TASP1: variants seen among roughly 807,000 people sequenced by gnomAD.
The protein encoded by TASP1 is threonine aspartase 1.
Under a neutral mutation model 56.6 loss-of-function variants are expected in TASP1, and 16 were observed. That is an observed-to-expected ratio of 0.28 (90% confidence interval 0.19 to 0.43). The LOEUF is 0.43. Among genes scored for constraint, TASP1 ranks in the 20% least tolerant of loss-of-function variants. The probability of loss-of-function intolerance (pLI) is 1.00; values close to 1 mark genes in which losing one functional copy is unlikely to be tolerated. For synonymous variants in TASP1, 179 were observed against 184.2 expected (o/e 0.97, Z 0.23); for missense variants, 393 against 511.6 (o/e 0.77, Z 2.24).
the TASP1 span, among the ~76,000 whole-genome samples, chr20:13,305,114 A>G: frequency 6.6e-6 from 1 of 151,240 alleles, no homozygotes; most frequent in African/African-American, 2.4e-5. Flanking sequence ...TGGTTTTGCT[A>G]TGGGTGATAA....
At chr20:13,401,379 A>G (rs2041732458) in intron 13 of TASP1, among the ~76,000 whole-genome samples, 1 of 152,188 alleles carries the variant, frequency 6.6e-6, no homozygotes, top group Admixed American at 6.5e-5. Context: ...TCAAAGTTCT[A>G]CCCTAAAGCT....
At chr20:13,638,700 A>G (rs1386110090) in intron 1 of TASP1, among the ~76,000 whole-genome samples, 194 bp downstream of exon 1, 3 of 152,156 alleles carry the variant, frequency 2.0e-5, no homozygotes, top group Non-Finnish European at 2.9e-5. Flanking sequence ...GGGGCCGCCT[A>G]GAGCGACCAA....
chr20:13,463,393 G>A (rs2044130514), intron 11 of TASP1, among the ~76,000 whole-genome samples: 1 of 151,992 alleles, frequency 6.6e-6, no homozygotes, highest in African/African-American at 2.4e-5. Flanking sequence ...CTAAATGTAA[G>A]AGTAAAAACT....
chr20:13,447,238 A>G (rs1415371962), intron 11 of TASP1, among the ~76,000 whole-genome samples: 2 of 152,176 alleles, frequency 1.3e-5, no homozygotes, highest in African/African-American at 4.8e-5. Flanking sequence ...AATCTGATAC[A>G]TGAAAAATAG....
intron 8 of TASP1, among the ~76,000 whole-genome samples, chr20:13,557,893 C>G (rs2046218761): frequency 6.6e-6 from 1 of 151,824 alleles, no homozygotes. Context: ...TTTAAAAAGG[C>G]AAAAAAGTCC....
the TASP1 span, among the ~76,000 whole-genome samples, chr20:13,295,481 T>A: frequency 6.6e-6 from 1 of 152,186 alleles, no homozygotes; most frequent in African/African-American, 2.4e-5. Context: ...TTTTCCTGCA[T>A]AACCTTAGTT....
At chr20:13,480,976 T>C (rs1171593828) in intron 11 of TASP1, among the ~76,000 whole-genome samples, 1 of 152,066 alleles carries the variant, frequency 6.6e-6, no homozygotes, top group Non-Finnish European at 1.5e-5. Flanking sequence ...ACTCTTTTAG[T>C]TATTTTAAAA....
chr20:13,479,484 C>CA (rs1249588976), intron 11 of TASP1, among the ~76,000 whole-genome samples: 2 of 143,900 alleles, frequency 1.4e-5, no homozygotes, highest in African/African-American at 5.3e-5. Flanking sequence ...TTTTTTGAGA[C>CA]AGAGTTTTTG....
chr20:13,203,079 G>GT, the TASP1 span, among the ~76,000 whole-genome samples: 40 of 151,944 alleles, frequency 2.6e-4, no homozygotes, highest in African/African-American at 8.9e-4. Context: ...TTCTAGAAGG[G>GT]TTTTTTTTAA....
At chr20:13,335,326 A>G in the TASP1 span, among the ~76,000 whole-genome samples, 27 of 50,234 alleles carry the variant, frequency 5.4e-4, no homozygotes, top group Middle Eastern at 0.048. Flanking sequence ...TCACCTATGC[A>G]CACACACACA....
chr20:13,331,577 A>G, the TASP1 span, among the ~76,000 whole-genome samples: 3 of 152,078 alleles, frequency 2.0e-5, no homozygotes, highest in Admixed American at 1.3e-4. Context: ...TGTTCCATAC[A>G]TAATTCCTGT....
At chr20:13,294,029 G>A in the TASP1 span, among the ~76,000 whole-genome samples, 2 of 152,052 alleles carry the variant, frequency 1.3e-5, no homozygotes, top group South Asian at 4.1e-4. Flanking sequence ...CAGTGTCGGG[G>A]GCAGTAGAGA....
intron 13 of TASP1, among the ~76,000 whole-genome samples, chr20:13,407,037 C>T (rs1054023618): frequency 6.6e-6 from 1 of 152,056 alleles, no homozygotes; most frequent in Non-Finnish European, 1.5e-5. Context: ...TGGGTTTTCT[C>T]CTTTATTTTG....
the TASP1 span, among the ~76,000 whole-genome samples, chr20:13,147,350 A>T: frequency 5.9e-5 from 9 of 152,096 alleles, no homozygotes; most frequent in Non-Finnish European, 1.2e-4. Flanking sequence ...TGTGATTCTT[A>T]TGATTCTTGC....
At chr20:13,346,705 G>A in the TASP1 span, among the ~76,000 whole-genome samples, 2 of 152,214 alleles carry the variant, frequency 1.3e-5, no homozygotes, top group Non-Finnish European at 2.9e-5. Flanking sequence ...CCAGACCTCA[G>A]CAGTCATCAG....
chr20:13,627,812 A>G (rs1296692767), intron 2 of TASP1, among the ~76,000 whole-genome samples: 1 of 151,776 alleles, frequency 6.6e-6, no homozygotes, highest in Non-Finnish European at 1.5e-5. Context: ...GAGTCACACA[A>G]CATGCAGCTG....
chr20:13,507,493 G>C (rs570987357), intron 10 of TASP1, among the ~76,000 whole-genome samples: 1 of 152,032 alleles, frequency 6.6e-6, no homozygotes, highest in African/African-American at 2.4e-5. Context: ...TTGTGCAACT[G>C]TACTCCAGCC....
the TASP1 span, among the ~76,000 whole-genome samples, chr20:13,120,015 G>A: frequency 8.5e-5 from 13 of 152,086 alleles, no homozygotes; most frequent in South Asian, 4.1e-4. Context: ...TTTTAATTAT[G>A]TTAAGTTTCA....
chr20:13,389,131 C>T (rs1017440077), downstream of TASP1, among the ~76,000 whole-genome samples: 8 of 152,192 alleles, frequency 5.3e-5, no homozygotes, highest in African/African-American at 1.4e-4. Flanking sequence ...CTGAAACTAT[C>T]GAGCTTTTAG....
Sources: gnomAD v4.1 joint callset for allele counts (sites outside exome capture counted in the v4.1 genomes callset) on GRCh38, gnomAD v4.1.1 for gene constraint, MANE v1.5 for transcripts, NCBI Gene and HGNC (gene_info 2026-07-23, HGNC 2026-07-21) for gene names.